NPAS3: variants seen among roughly 807,000 people sequenced by gnomAD.
NPAS3 encodes the protein neuronal PAS domain protein 3.
NPAS3 carries 14 observed loss-of-function variants against 73.1 expected under a neutral mutation model. The observed-to-expected ratio is 0.19, with a 90% confidence interval of 0.13 to 0.30. The LOEUF (loss-of-function observed/expected upper bound fraction) is 0.30. Ranked by LOEUF, NPAS3 falls within the 10% of genes least tolerant of loss-of-function variation. NPAS3 has a pLI of 1.00. For synonymous variants in NPAS3, 620 were observed against 541.5 expected, an observed-to-expected ratio of 1.14 and a Z score of -2.01; for missense variants, 1,096 against 1,250.0, an observed-to-expected ratio of 0.88 and a Z score of 1.86.
intron 2 of NPAS3, among the ~76,000 whole-genome samples, chr14:33,137,747 T>C (rs888492613): frequency 1.2e-4 from 19 of 152,226 alleles, no homozygotes; most frequent in Non-Finnish European, 2.6e-4. Context: ...AATGGCCCAG[T>C]ATCTTTGTCG....
intron 7 of NPAS3, among the ~76,000 whole-genome samples, chr14:33,752,670 G>A (rs891190027): frequency 3.3e-5 from 5 of 152,280 alleles, no homozygotes; most frequent in Middle Eastern, 3.4e-3. Context: ...TCACAGACGA[G>A]CTTTCGATCA....
intron 4 of NPAS3, among the ~76,000 whole-genome samples, chr14:33,454,112 T>G (rs2049922447): frequency 6.6e-6 from 1 of 152,240 alleles, no homozygotes; most frequent in Non-Finnish European, 1.5e-5. Context: ...CTGGACCCTG[T>G]ACCCTTTTTC....
intron 1 of NPAS3, among the ~76,000 whole-genome samples, chr14:33,036,503 GA>G: frequency 6.6e-6 from 1 of 152,230 alleles, no homozygotes; most frequent in Admixed American, 6.5e-5. Context: ...AGGCAGTACA[GA>G]AAGCAAAATT....
chr14:33,064,696 A>G (rs115189162), intron 2 of NPAS3, among the ~76,000 whole-genome samples: 180 of 152,340 alleles, frequency 1.2e-3, no homozygotes, highest in African/African-American at 4.1e-3. Flanking sequence ...TGGAACACTT[A>G]GAAAACACAG....
At chr14:33,373,542 T>C (rs190249764) in intron 4 of NPAS3, among the ~76,000 whole-genome samples, 64 of 152,212 alleles carry the variant, frequency 4.2e-4, no homozygotes, top group Middle Eastern at 3.4e-3. Context: ...TGGATAAGTA[T>C]AATAAGTACC....
chr14:33,002,791 A>G (rs1235930176), intron 1 of NPAS3, among the ~76,000 whole-genome samples: 1 of 152,214 alleles, frequency 6.6e-6, no homozygotes, highest in Non-Finnish European at 1.5e-5. Flanking sequence ...TTAGGATGAA[A>G]CAGGATTTCA....
At chr14:33,509,818 T>A (rs1233144755) in intron 4 of NPAS3, among the ~76,000 whole-genome samples, 1 of 152,046 alleles carries the variant, frequency 6.6e-6, no homozygotes, top group Admixed American at 6.5e-5. Context: ...AGAGCCTATA[T>A]AGATAGACGC....
At chr14:33,297,616 C>T (rs1360871921) in intron 3 of NPAS3, among the ~76,000 whole-genome samples, 2 of 152,128 alleles carry the variant, frequency 1.3e-5, no homozygotes, top group South Asian at 2.1e-4. Context: ...AATAAATGCA[C>T]ACACACAAAA....
intron 4 of NPAS3, among the ~76,000 whole-genome samples, chr14:33,371,561 A>C (rs1379440541): frequency 1.3e-5 from 2 of 152,180 alleles, no homozygotes; most frequent in Admixed American, 1.3e-4. Context: ...ATTGGTTTTC[A>C]TTATTATTAA....
intron 6 of NPAS3, among the ~76,000 whole-genome samples, chr14:33,693,567 A>T (rs6571608): frequency 6.6e-6 from 1 of 151,962 alleles, no homozygotes; most frequent in Non-Finnish European, 1.5e-5. Context: ...AGCCATTTCT[A>T]TCAAAATGAT....
chr14:33,707,339 C>CT (rs60633048), intron 6 of NPAS3, among the ~76,000 whole-genome samples: 72 of 95,230 alleles, frequency 7.6e-4, no homozygotes, highest in Non-Finnish European at 1.1e-3. Flanking sequence ...TCTTTTTCTT[C>CT]TTTTTTTTTT....
intron 2 of NPAS3, among the ~76,000 whole-genome samples, chr14:33,198,753 T>C (rs1381704501): frequency 6.6e-6 from 1 of 152,140 alleles, no homozygotes; most frequent in Non-Finnish European, 1.5e-5. Context: ...TCCTGAGCCC[T>C]TGGGTGGTAG....
At chr14:33,048,619 G>T (rs576995134) in intron 1 of NPAS3, among the ~76,000 whole-genome samples, 2 of 152,300 alleles carry the variant, frequency 1.3e-5, no homozygotes, top group African/African-American at 4.8e-5. Flanking sequence ...TGTAGAACTT[G>T]CATTTTAATG....
chr14:33,697,517 A>T (rs1286531721), intron 6 of NPAS3, among the ~76,000 whole-genome samples: 1 of 152,206 alleles, frequency 6.6e-6, no homozygotes, highest in African/African-American at 2.4e-5. Context: ...TATGGCAGTG[A>T]TACAAATAAG....
chr14:33,330,238 A>G (rs765208241), intron 3 of NPAS3, among the ~76,000 whole-genome samples: 1 of 152,124 alleles, frequency 6.6e-6, no homozygotes, highest in Non-Finnish European at 1.5e-5. Context: ...GTGAGACACC[A>G]TCTCAAAAAC....
chr14:33,464,410 C>T (rs1594956097), intron 4 of NPAS3, among the ~76,000 whole-genome samples: 1 of 152,144 alleles, frequency 6.6e-6, no homozygotes, highest in East Asian at 1.9e-4. Context: ...GTTGAAATAG[C>T]TCCCTCCTGG....
chr14:33,651,182 C>T (rs1036820527), intron 5 of NPAS3, among the ~76,000 whole-genome samples: 3 of 152,164 alleles, frequency 2.0e-5, no homozygotes, highest in African/African-American at 2.4e-5. Context: ...GCCTTTTTCG[C>T]GCCATGCAGT....
At chr14:33,074,705 C>T (rs1474891398) in intron 2 of NPAS3, among the ~76,000 whole-genome samples, 8 of 152,220 alleles carry the variant, frequency 5.3e-5, no homozygotes, top group Non-Finnish European at 7.3e-5. Context: ...GTGTGAGCCA[C>T]GCGCTCGGCC....
At chr14:33,013,819 A>G (rs2039296822) in intron 1 of NPAS3, among the ~76,000 whole-genome samples, 1 of 152,110 alleles carries the variant, frequency 6.6e-6, no homozygotes, top group South Asian at 2.1e-4. Flanking sequence ...GCATTTGGGT[A>G]TGTGTCAGTT....
Sources: allele counts gnomAD v4.1 joint callset (sites outside exome capture counted in the v4.1 genomes callset), GRCh38; gene constraint gnomAD v4.1.1; transcripts MANE v1.5; gene names NCBI Gene and HGNC (gene_info 2026-07-23, HGNC 2026-07-21).